BACH2: variants seen among roughly 807,000 people sequenced by gnomAD.
BACH2 encodes BACH transcriptional regulator 2, also known as transcription regulator protein BACH2.
Under a neutral mutation model 61.8 loss-of-function variants are expected in BACH2, and 5 were observed. The ratio of observed to expected loss-of-function variants is 0.08; its 90% CI spans 0.04 to 0.17. The LOEUF (loss-of-function observed/expected upper bound fraction) is 0.17. Among genes scored for constraint, BACH2 ranks in the 10% least tolerant of loss-of-function variants. BACH2 has a pLI of 1.00. For missense variants in BACH2, 824 were observed against 1,091.1 expected (o/e 0.76, Z 3.45); for synonymous variants, 446 against 440.1 (o/e 1.01, Z -0.17).
At chr6:89,937,775 C>T (rs1001320685) in intron 8 of BACH2, among the ~76,000 whole-genome samples, 1 of 152,212 alleles carries the variant, frequency 6.6e-6, no homozygotes, top group Non-Finnish European at 1.5e-5. Context: ...AAGTGATCCA[C>T]CCGCCTTGGC....
At chr6:90,238,145 A>G (rs189835785) in intron 3 of BACH2, among the ~76,000 whole-genome samples, 29 of 152,366 alleles carry the variant, frequency 1.9e-4, no homozygotes, top group Admixed American at 4.6e-4. Flanking sequence ...GTCATACTCT[A>G]TACGAAGCTA....
At chr6:90,264,717 A>C (rs1232014454) in intron 2 of BACH2, among the ~76,000 whole-genome samples, 1 of 152,180 alleles carries the variant, frequency 6.6e-6, no homozygotes, top group Non-Finnish European at 1.5e-5. Flanking sequence ...ATTCACAGCC[A>C]GGCATTTTTC....
chr6:89,993,796 C>T (rs1341434586), intron 6 of BACH2, among the ~76,000 whole-genome samples: 7 of 151,028 alleles, frequency 4.6e-5, no homozygotes, highest in Admixed American at 4.6e-4. Flanking sequence ...TCTAGGGTGA[C>T]TTTATGTTTT....
rs141635854 is a variant in BACH2, at chr6:89,951,776, G to A, written c.330C>T (p.Ile110=). Residue 110 remains isoleucine, a synonymous_variant, in exon 7 of 9, where the codon ATC becomes ATT. Coordinates refer to ENST00000257749, the MANE Select transcript of BACH2 (RefSeq NM_021813.4). This position sits in a 1 kb window ranked among gnomAD's most constrained non-coding sequence, Gnocchi z 6.4. ...GCATGCGCAGGAACTCAGCACAGCG[G>A]ATGACCTCGCGGATGTTTTCTCTGC... is the stretch of plus-strand genomic sequence containing the variant. ...LLSRENIREV[I]RCAEFLRMHN... 150 of 1,614,254 alleles carry A rather than the reference G, an allele frequency of 9.3e-5. No individual in the cohort carries two copies. In the African/African-American group the frequency reaches 1.8e-3, roughly 19 times the overall value.
chr6:90,103,029 A>ATATATATATTTTTTTTTTT, intron 4 of BACH2, among the ~76,000 whole-genome samples: 12 of 21,154 alleles, frequency 5.7e-4, no homozygotes, highest in African/African-American at 1.4e-3. Flanking sequence ...ATATATATAT[A>ATATATATATTTTTTTTTTT]TTTTTTTTTT....
intron 4 of BACH2, among the ~76,000 whole-genome samples, chr6:90,121,822 A>C (rs889844992): frequency 6.6e-6 from 1 of 152,188 alleles, no homozygotes; most frequent in Non-Finnish European, 1.5e-5. Flanking sequence ...CTGGGATTAC[A>C]TGTGTGAGCC....
intron 4 of BACH2, among the ~76,000 whole-genome samples, chr6:90,091,113 T>G (rs1782141305): frequency 6.6e-6 from 1 of 152,222 alleles, no homozygotes. Context: ...TGTAGGAATT[T>G]GGGCTTCAGA....
chr6:90,162,769 G>C (rs1170627951), intron 4 of BACH2, among the ~76,000 whole-genome samples: 1 of 152,140 alleles, frequency 6.6e-6, no homozygotes, highest in African/African-American at 2.4e-5. Context: ...TAAAATCCAG[G>C]GGTGAAGGAA....
At chr6:90,191,570 G>T (rs1472390543) in intron 4 of BACH2, among the ~76,000 whole-genome samples, 2 of 152,204 alleles carry the variant, frequency 1.3e-5, no homozygotes. Flanking sequence ...AACGTGCATG[G>T]ATTTTGGAGT....
chr6:89,947,655 T>C (rs1443944010), intron 7 of BACH2, among the ~76,000 whole-genome samples: 1 of 151,610 alleles, frequency 6.6e-6, no homozygotes, highest in Admixed American at 6.6e-5. Flanking sequence ...AAGCTCCGCC[T>C]CCCGGGCTCA....
chr6:90,018,715 C>T (rs1216887780), intron 5 of BACH2, among the ~76,000 whole-genome samples: 1 of 152,066 alleles, frequency 6.6e-6, no homozygotes, highest in Non-Finnish European at 1.5e-5. Context: ...TACAAAGATG[C>T]CTCTGTGAAG....
chr6:90,222,023 A>G (rs1769751206), intron 3 of BACH2, among the ~76,000 whole-genome samples: 2 of 152,214 alleles, frequency 1.3e-5, no homozygotes, highest in East Asian at 1.9e-4. Flanking sequence ...AAAGAGAGAA[A>G]TTTACTTAAT....
chr6:89,988,128 T>A (rs371148233), intron 6 of BACH2, among the ~76,000 whole-genome samples: 5 of 152,294 alleles, frequency 3.3e-5, no homozygotes, highest in East Asian at 1.9e-4. Context: ...GGCAGTATTT[T>A]AAAAAAATCA....
At chr6:90,176,343 T>C (rs1241527522) in intron 4 of BACH2, among the ~76,000 whole-genome samples, 3 of 151,998 alleles carry the variant, frequency 2.0e-5, no homozygotes, top group Non-Finnish European at 4.4e-5. Flanking sequence ...AACAAGAATA[T>C]GCAAATACTG....
chr6:90,057,773 A>G (rs1042657179), intron 5 of BACH2, among the ~76,000 whole-genome samples: 2 of 152,200 alleles, frequency 1.3e-5, no homozygotes, highest in African/African-American at 4.8e-5. Context: ...AAGCTTATCC[A>G]CCATGATCAA....
intron 6 of BACH2, among the ~76,000 whole-genome samples, chr6:89,983,000 A>C (rs769126627): frequency 6.6e-6 from 1 of 152,240 alleles, no homozygotes; most frequent in Non-Finnish European, 1.5e-5. Context: ...CCAAGAAGGC[A>C]GGGACCACAG....
intron 4 of BACH2, among the ~76,000 whole-genome samples, chr6:90,165,970 A>G (rs903834055): frequency 1.1e-4 from 17 of 152,296 alleles, no homozygotes; most frequent in African/African-American, 3.4e-4. Flanking sequence ...AAGAAAACCT[A>G]GGCATTACCA....
chr6:90,283,654 C>T (rs1000410010), intron 1 of BACH2, among the ~76,000 whole-genome samples: 4 of 152,128 alleles, frequency 2.6e-5, no homozygotes, highest in African/African-American at 9.7e-5. Context: ...GGATTACAGG[C>T]GTGAGCCACC....
At chr6:90,254,129 C>T (rs1021608885) in intron 2 of BACH2, among the ~76,000 whole-genome samples, 1 of 151,026 alleles carries the variant, frequency 6.6e-6, no homozygotes, top group Non-Finnish European at 1.5e-5. Flanking sequence ...CAGAAATAAA[C>T]CCCAAAAGAT....
Sources: allele counts gnomAD v4.1 joint callset (sites outside exome capture counted in the v4.1 genomes callset), GRCh38; gene constraint gnomAD v4.1.1; non-coding constraint Gnocchi (gnomAD v3.1); transcripts MANE v1.5; gene names NCBI Gene and HGNC (gene_info 2026-07-23, HGNC 2026-07-21).